NCOR1: variants seen among roughly 807,000 people sequenced by gnomAD.
NCOR1 encodes nuclear receptor corepressor 1.
Under a neutral mutation model 288.1 loss-of-function variants are expected in NCOR1, and 63 were observed. The ratio of observed to expected loss-of-function variants is 0.22; its 90% CI spans 0.18 to 0.27. The LOEUF (loss-of-function observed/expected upper bound fraction) is 0.27, where lower values mean the gene tolerates loss of function less well. NCOR1 is among the 10% of genes least tolerant of loss of function. NCOR1 has a pLI of 1.00. For synonymous variants in NCOR1, 1,007 were observed against 1,065.9 expected (o/e 0.94, Z 1.08); for missense variants, 2,397 against 3,019.2 (o/e 0.79, Z 4.83).
At chr17:16,131,232 C>T (rs991264427) in intron 14 of NCOR1, among the ~76,000 whole-genome samples, 3 of 151,310 alleles carry the variant, frequency 2.0e-5, no homozygotes, top group African/African-American at 7.3e-5. Flanking sequence ...AAGTTTTTGT[C>T]CAGGCTGGTC....
chr17:16,044,460 A>T lies in NCOR1; in HGVS notation c.6679+2491T>A, dbSNP rs1267489808. The T allele has an allele frequency of 1.1e-5, 5 of 472,594 alleles. No individual in the cohort carries two copies. In the East Asian group the frequency reaches 3.4e-4, roughly 33 times the overall value. 29.3% of individuals were successfully genotyped at this position (472,594 alleles called of 1,614,324 possible). ...CTTTTGACAGGATCAGGAGACTAGT[A>T]GATGGTAGATCACAGAAATAAAGCA... On this transcript the variant is annotated intron_variant, in intron 42 of 45. Coordinates refer to ENST00000268712, the MANE Select transcript of NCOR1 (RefSeq NM_006311.4).
chr17:16,150,379 A>T (rs1359487408), intron 8 of NCOR1, among the ~76,000 whole-genome samples: 3 of 152,158 alleles, frequency 2.0e-5, no homozygotes, highest in Non-Finnish European at 2.9e-5. Flanking sequence ...ACGGTGATGA[A>T]AGAATAGCTA....
intron 40 of NCOR1, chr17:16,056,866 GCATATATATATGTGTGTGTATCTATA>G (rs1301059251): frequency 2.0e-5 from 3 of 151,410 alleles, no homozygotes; most frequent in Non-Finnish European, 4.4e-5. Context: ...GTGTGTGTGT[GCATATATATATGTGTGTGTATCTATA>G]CATACATATA....
At chr17:16,083,099 G>A (rs1048654080) in intron 23 of NCOR1, among the ~76,000 whole-genome samples, 2 of 152,094 alleles carry the variant, frequency 1.3e-5, no homozygotes, top group Non-Finnish European at 2.9e-5. Context: ...CAGACAGGGT[G>A]GCGTGCACCT....
In NCOR1 at chr17:16,068,693, C is replaced by A. The variant is rs185813138; in HGVS notation, c.4514-572G>T. On this transcript the variant is annotated intron_variant, in intron 31 of 45. Transcript: ENST00000268712. The stretch of plus-strand genomic sequence containing the variant: ...TCCCACCAATAAATATATATTCAAA[C>A]ACTTATTAGCCATCATCCTCAATTT... Among the ~76,000 whole-genome samples the A allele has an allele frequency of 2.1e-3, 316 of 151,306 alleles. 1 individual carries two copies. Among genetic ancestry groups the A allele is most frequent in the African/African-American group, 7.3e-3 (302 of 41,188 alleles).
chr17:16,079,928 C>T, intron 26 of NCOR1, 36 bp downstream of exon 26: 1 of 1,521,828 alleles, frequency 6.6e-7, no homozygotes, highest in Non-Finnish European at 9.1e-7. Context: ...TTTTCCTGAG[C>T]TTCTGTTGAG....
chr17:16,041,591 T>C (rs2057662501), intron 42 of NCOR1, among the ~76,000 whole-genome samples: 1 of 151,662 alleles, frequency 6.6e-6, no homozygotes, highest in Non-Finnish European at 1.5e-5. Context: ...ATTTTTGTAT[T>C]TTTAGTAGAG....
In NCOR1 at chr17:16,187,766, G is replaced by A. The variant is rs532461066; in HGVS notation, c.109-1079C>T. ...CAAAAAATAAATTTAAAAATTAGCC[G>A]GGCATTGTGGCACGTCCCGGCTACT... is the stretch of plus-strand genomic sequence containing the variant. On this transcript the variant is annotated intron_variant, in intron 2 of 45. Transcript: ENST00000268712. 5.9e-5 allele frequency among the ~76,000 whole-genome samples: 9 copies of A among 151,860 alleles called. No homozygotes were observed. The East Asian group carries it at 1.4e-3, about 23-fold the overall frequency.
chr17:16,060,072 T>C lies in NCOR1; in HGVS notation c.5881+1329A>G, dbSNP rs538656406. 9.2e-5 allele frequency among the ~76,000 whole-genome samples: 14 copies of C among 152,350 alleles called. No individual in the cohort carries two copies. The South Asian group carries it at 1.0e-3, about 11-fold the overall frequency. On this transcript the variant is annotated intron_variant, in intron 37 of 45. Coordinates refer to ENST00000268712, the MANE Select transcript of NCOR1 (RefSeq NM_006311.4). ...AGTCGGAATCCAAACCGTGTTCACA[T>C]TGTTCTTGAAGCCTTAAGGGGCAAG...
intron 1 of NCOR1, among the ~76,000 whole-genome samples, chr17:16,202,546 T>A (rs1417331526): frequency 6.6e-6 from 1 of 152,158 alleles, no homozygotes; most frequent in African/African-American, 2.4e-5. Flanking sequence ...TTAATAGATA[T>A]AACAATGTCT....
At chr17:16,035,101 C>T (rs1160210734) in intron 44 of NCOR1, among the ~76,000 whole-genome samples, 157 bp from the exon 45 acceptor site, 1 of 152,122 alleles carries the variant, frequency 6.6e-6, no homozygotes, top group East Asian at 1.9e-4. Context: ...ACAGGCATAC[C>T]TCAGAGATAC....
chr17:16,136,820 A>AT, intron 14 of NCOR1, among the ~76,000 whole-genome samples: 1 of 137,962 alleles, frequency 7.2e-6, no homozygotes, highest in Non-Finnish European at 1.6e-5. Context: ...AAAAAAAAAA[A>AT]AAAAAAAAGA....
intron 10 of NCOR1, 56 bp downstream of exon 10, chr17:16,146,320 G>A (rs2153347338): frequency 7.4e-6 from 11 of 1,492,082 alleles, no homozygotes; most frequent in Non-Finnish European, 9.9e-6. Context: ...TTAAAAAAAA[G>A]AAACAATAAA....
rs566000166 is a variant in NCOR1, at chr17:16,082,879, C to T, written c.3178-2152G>A. ...GGGGTGGGTCTCAGCAAACTAAGAACGGAAGGAAACATCTTCAATCTGATG... is the reference window on the plus strand; with the variant it reads ...GGGGTGGGTCTCAGCAAACTAAGAATGGAAGGAAACATCTTCAATCTGATG... On this transcript the variant is annotated intron_variant, in intron 23 of 45. Coordinates refer to ENST00000268712, the MANE Select transcript of NCOR1 (RefSeq NM_006311.4). 5.9e-4 allele frequency among the ~76,000 whole-genome samples: 89 copies of T among 152,078 alleles called. 3 individuals carry two copies. The South Asian group carries it at 0.012, about 20-fold the overall frequency.
chr17:16,098,346 T>G (rs747929184), intron 21 of NCOR1, 21 bp downstream of exon 21: 13 of 1,609,838 alleles, frequency 8.1e-6, no homozygotes, highest in Non-Finnish European at 1.0e-5. Flanking sequence ...TTTAGTTTTC[T>G]TCCTCACAAT....
At chr17:16,184,256 A>C (rs1265377548) in intron 3 of NCOR1, among the ~76,000 whole-genome samples, 1 of 152,186 alleles carries the variant, frequency 6.6e-6, no homozygotes, top group African/African-American at 2.4e-5. Context: ...AGCTTCTGAA[A>C]ACAACAAAAT....
intron 12 of NCOR1, 28 bp from the exon 13 acceptor site, chr17:16,138,240 C>T: frequency 6.3e-7 from 1 of 1,575,214 alleles, no homozygotes; most frequent in Non-Finnish European, 8.7e-7. Flanking sequence ...CAAAAACACA[C>T]TTGCGTACAA....
At chr17:16,209,420 C>T (rs1258759025) in intron 1 of NCOR1, among the ~76,000 whole-genome samples, 1 of 152,018 alleles carries the variant, frequency 6.6e-6, no homozygotes, top group Non-Finnish European at 1.5e-5. Flanking sequence ...TATGCCTTTT[C>T]CTTTATAATA....
In NCOR1 at chr17:16,087,254, T is replaced by A. The variant is rs1376444870; in HGVS notation, c.3017-812A>T. ...CTTCTCTTGGAGAAAGCCTACACGG[T>A]GAGGCTGACCTTGCTGCAGTATTGT... On this transcript the variant is annotated intron_variant, in intron 22 of 45. Coordinates refer to ENST00000268712, the MANE Select transcript of NCOR1 (RefSeq NM_006311.4). 2.3e-6 allele frequency: 3 copies of A among 1,304,188 alleles called. No homozygotes were observed. The South Asian group carries it at 3.7e-5, about 16-fold the overall frequency. The allele number at this position is 1,304,188 out of a possible 1,614,324, so 80.8% of individuals were successfully genotyped here.
Sources: allele counts gnomAD v4.1 joint callset (sites outside exome capture counted in the v4.1 genomes callset), GRCh38; gene constraint gnomAD v4.1.1; transcripts MANE v1.5; gene names NCBI Gene and HGNC (gene_info 2026-07-23, HGNC 2026-07-21).